Variants in RNF128 observed in about 807,000 individuals in gnomAD.
RNF128 encodes the protein E3 ubiquitin-protein ligase RNF128.
A neutral mutation model predicts 26.2 loss-of-function variants in RNF128; 13 were observed. The ratio of observed to expected loss-of-function variants is 0.50; its 90% CI spans 0.32 to 0.79. The LOEUF (loss-of-function observed/expected upper bound fraction) is 0.79, where lower values mean the gene tolerates loss of function less well. Ranked by LOEUF, RNF128 falls within the 30% of genes least tolerant of loss-of-function variation. RNF128 has a pLI of 0.03. For synonymous variants in RNF128, 149 were observed against 142.5 expected, an observed-to-expected ratio of 1.05 and a Z score of -0.32; for missense variants, 315 against 349.7, an observed-to-expected ratio of 0.90 and a Z score of 0.79.
At chrX:106,727,450 C>T (rs1929424598) in intron 1 of RNF128, 53 bp downstream of exon 1, 1 of 1,183,140 alleles carries the variant, frequency 8.5e-7, no homozygotes, top group East Asian at 3.0e-5. Context: ...TGGCCAGTTT[C>T]TCTTATTTTC....
At chrX:106,789,546 AAT>A (rs1491274774) in intron 4 of RNF128, among the ~76,000 whole-genome samples, 1 of 28,173 alleles carries the variant, frequency 3.5e-5, no homozygotes, top group Non-Finnish European at 8.2e-5. Context: ...CATTATATAT[AAT>A]ATATACTATA....
chrX:106,746,322 G>A (rs1181103609), intron 1 of RNF128, among the ~76,000 whole-genome samples: 2 of 110,638 alleles, frequency 1.8e-5, no homozygotes, highest in African/African-American at 6.6e-5. Flanking sequence ...CTGTAAGTAT[G>A]TTATCACTAT....
chrX:106,782,874 C>T (rs191825135), intron 2 of RNF128, among the ~76,000 whole-genome samples: 2 of 111,503 alleles, frequency 1.8e-5, no homozygotes, highest in East Asian at 2.8e-4. Flanking sequence ...GTTTTCTTCT[C>T]TGTCTGATTA....
At chrX:106,712,842 T>C (rs780444893) in intron 1 of RNF128, among the ~76,000 whole-genome samples, 14 of 109,885 alleles carry the variant, frequency 1.3e-4, no homozygotes, top group Non-Finnish European at 2.7e-4. Flanking sequence ...GACTCTTGAC[T>C]ACCTCCTAAT....
At chrX:106,735,378 T>A (rs772635033) in intron 1 of RNF128, among the ~76,000 whole-genome samples, 1 of 111,809 alleles carries the variant, frequency 8.9e-6, no homozygotes, top group East Asian at 2.8e-4. Flanking sequence ...TGTTAACTTG[T>A]CATTTCAGAC....
intron 1 of RNF128, among the ~76,000 whole-genome samples, chrX:106,772,617 G>A (rs1434412347): frequency 9.0e-6 from 1 of 111,253 alleles, no homozygotes; most frequent in Non-Finnish European, 1.9e-5. Context: ...TGCAAATTGG[G>A]TCTCAAAGGC....
intron 1 of RNF128, among the ~76,000 whole-genome samples, chrX:106,737,129 C>T (rs1929614056): frequency 1.8e-5 from 2 of 111,526 alleles, no homozygotes; most frequent in African/African-American, 6.5e-5. Flanking sequence ...CAGATGTTGG[C>T]TTATCTTAAG....
intron 1 of RNF128, among the ~76,000 whole-genome samples, chrX:106,730,259 C>T (rs1221266014): frequency 8.9e-6 from 1 of 112,214 alleles, no homozygotes; most frequent in African/African-American, 3.2e-5. Context: ...TCAACTCATG[C>T]AGTTTATTTC....
chrX:106,768,428 C>T (rs1930295295), intron 1 of RNF128, among the ~76,000 whole-genome samples: 1 of 111,439 alleles, frequency 9.0e-6, no homozygotes, highest in Non-Finnish European at 1.9e-5. Flanking sequence ...TCAACTTCTT[C>T]CTGGTTTAGT....
At chrX:106,775,445 G>A (rs1266179159) in intron 2 of RNF128, among the ~76,000 whole-genome samples, 1 of 111,654 alleles carries the variant, frequency 9.0e-6, no homozygotes, top group African/African-American at 3.2e-5. Context: ...TCTGGTCTAC[G>A]CATTTAATTT....
intron 1 of RNF128, among the ~76,000 whole-genome samples, chrX:106,744,738 C>T (rs1430819886): frequency 9.0e-6 from 1 of 111,667 alleles, no homozygotes; most frequent in African/African-American, 3.3e-5. Context: ...GGATTACAGG[C>T]GTGAGCCACC....
At chrX:106,782,962 A>G (rs1053938683) in intron 2 of RNF128, among the ~76,000 whole-genome samples, 1 of 112,210 alleles carries the variant, frequency 8.9e-6, no homozygotes, top group Non-Finnish European at 1.9e-5. Context: ...ACAAGTAACA[A>G]AATAGAAGGG....
intron 2 of RNF128, among the ~76,000 whole-genome samples, chrX:106,777,746 G>A (rs2147697527): frequency 9.0e-6 from 1 of 111,474 alleles, no homozygotes; most frequent in African/African-American, 3.3e-5. Context: ...GAGGCGGGTG[G>A]ATCGCTTGAG....
intron 6 of RNF128, among the ~76,000 whole-genome samples, chrX:106,792,927 A>G (rs762966167): frequency 1.0e-3 from 116 of 112,150 alleles, no homozygotes; most frequent in Admixed American, 1.8e-3. Context: ...CTGGGATTAC[A>G]TATTACTAGT....
At chrX:106,761,917 CT>C (rs1264843808) in intron 1 of RNF128, among the ~76,000 whole-genome samples, 10 of 108,370 alleles carry the variant, frequency 9.2e-5, no homozygotes, top group Admixed American at 8.0e-4. Context: ...AAATTAAGAA[CT>C]TTTTTATTTT....
chrX:106,770,918 G>A (rs775964318), intron 1 of RNF128, among the ~76,000 whole-genome samples: 12 of 112,012 alleles, frequency 1.1e-4, no homozygotes, highest in Admixed American at 8.5e-4. Context: ...TGATGGTGAC[G>A]TACTGACAGG....
intron 1 of RNF128, among the ~76,000 whole-genome samples, chrX:106,700,778 G>A (rs769394498): frequency 9.0e-6 from 1 of 111,482 alleles, no homozygotes; most frequent in Admixed American, 9.5e-5. Flanking sequence ...GTCAATTTGT[G>A]TTTTATTTTT....
At chrX:106,724,568 C>A (rs187784305), upstream of RNF128, among the ~76,000 whole-genome samples, 19 of 112,127 alleles carry the variant, frequency 1.7e-4, no homozygotes, top group East Asian at 5.0e-3. Flanking sequence ...AGGTTCCAAC[C>A]ATTTTGCATT....
At chrX:106,701,928 T>G (rs1928964348) in intron 1 of RNF128, among the ~76,000 whole-genome samples, 2 of 111,494 alleles carry the variant, frequency 1.8e-5, no homozygotes, top group South Asian at 7.4e-4. Flanking sequence ...AAAATTGACA[T>G]GATTATGGGA....
Sources: allele counts gnomAD v4.1 joint callset (sites outside exome capture counted in the v4.1 genomes callset), GRCh38; gene constraint gnomAD v4.1.1; transcripts MANE v1.5; gene names NCBI Gene and HGNC (gene_info 2026-07-23, HGNC 2026-07-21).